Variants in BBX observed in about 807,000 individuals in gnomAD.
The protein encoded by BBX is HMG box transcription factor BBX.
BBX carries 30 observed loss-of-function variants against 100.2 expected under a neutral mutation model. That is an observed-to-expected ratio of 0.30 (90% confidence interval 0.22 to 0.41). The LOEUF is 0.41. Ranked by LOEUF, BBX falls within the 10% of genes least tolerant of loss-of-function variation. The pLI is 1.00. For missense variants in BBX, 1,023 were observed against 1,129.8 expected, an observed-to-expected ratio of 0.91 and a Z score of 1.35; for synonymous variants, 376 against 388.1, an observed-to-expected ratio of 0.97 and a Z score of 0.37.
intron 2 of BBX, among the ~76,000 whole-genome samples, chr3:107,584,670 A>G (rs2052683152): frequency 1.4e-5 from 1 of 69,778 alleles, no homozygotes. Context: ...TTCCGTTGAA[A>G]TCTTTTTTTT....
At chr3:107,613,536 CTG>C (rs980698138) in intron 2 of BBX, among the ~76,000 whole-genome samples, 1 of 151,696 alleles carries the variant, frequency 6.6e-6, no homozygotes, top group Non-Finnish European at 1.5e-5. Flanking sequence ...CAGTTGAAAA[CTG>C]TAACGTATGA....
At chr3:107,733,379 A>G (rs964426896) in intron 7 of BBX, among the ~76,000 whole-genome samples, 2 of 152,202 alleles carry the variant, frequency 1.3e-5, no homozygotes, top group Non-Finnish European at 2.9e-5. Flanking sequence ...TTCACATGCT[A>G]GTGAAAAGAT....
chr3:107,552,444 T>A (rs71319264), intron 2 of BBX, among the ~76,000 whole-genome samples: 203 of 151,580 alleles, frequency 1.3e-3, no homozygotes, highest in Middle Eastern at 3.4e-3. Context: ...TCTTAATGTA[T>A]TCAAAGGTAA....
At chr3:107,674,512 C>T (rs1171693823) in intron 3 of BBX, among the ~76,000 whole-genome samples, 2 of 152,154 alleles carry the variant, frequency 1.3e-5, no homozygotes, top group Non-Finnish European at 2.9e-5. Context: ...TGACTGATCC[C>T]AGTGTATTGT....
chr3:107,529,823 C>G (rs926891794), intron 2 of BBX, among the ~76,000 whole-genome samples: 2 of 151,042 alleles, frequency 1.3e-5, no homozygotes, highest in South Asian at 2.1e-4. Context: ...GGATTGTCTT[C>G]ATTTTTTTTT....
intron 3 of BBX, among the ~76,000 whole-genome samples, chr3:107,692,426 A>G (rs1257334801): frequency 6.7e-6 from 1 of 149,618 alleles, no homozygotes; most frequent in African/African-American, 2.5e-5. Context: ...ATTCCCACCT[A>G]TGAGTGAGAA....
chr3:107,664,444 T>C lies in BBX; in HGVS notation c.-10+18535T>C, dbSNP rs182894092. On this transcript the variant is annotated intron_variant, in intron 3 of 17. Transcript: ENST00000325805. ...GATACTTTGCATGAATGTGACTATATCCGAGCAGAAGTTTAAAAATGGAAA... is the reference window on the plus strand; with the variant it reads ...GATACTTTGCATGAATGTGACTATACCCGAGCAGAAGTTTAAAAATGGAAA... 2.2e-3 allele frequency among the ~76,000 whole-genome samples: 334 copies of C among 152,322 alleles called. 1 individual carries two copies. Among genetic ancestry groups the C allele is most frequent in the African/African-American group, 7.6e-3 (315 of 41,574 alleles).
chr3:107,575,558 G>A (rs2051710594), intron 2 of BBX, among the ~76,000 whole-genome samples: 1 of 152,134 alleles, frequency 6.6e-6, no homozygotes, highest in Admixed American at 6.5e-5. Context: ...AAGAAGTAAA[G>A]TGCAGGGTAA....
chr3:107,687,319 T>C (rs1313323376), intron 3 of BBX, among the ~76,000 whole-genome samples: 1 of 145,898 alleles, frequency 6.9e-6, no homozygotes, highest in Non-Finnish European at 1.5e-5. Flanking sequence ...AAGACTCAGC[T>C]ACACAGTTAA....
chr3:107,697,731 C>A (rs1037815743), intron 3 of BBX, among the ~76,000 whole-genome samples: 1 of 151,730 alleles, frequency 6.6e-6, no homozygotes, highest in Non-Finnish European at 1.5e-5. Flanking sequence ...CCACCCAGTT[C>A]GAGCTTCCTG....
chr3:107,543,586 C>T (rs146332571), intron 2 of BBX, among the ~76,000 whole-genome samples: 2 of 152,178 alleles, frequency 1.3e-5, no homozygotes, highest in African/African-American at 4.8e-5. Flanking sequence ...CTGTACGTGG[C>T]TTCAGTTTAG....
At chr3:107,524,625 G>C (rs1028018936) in intron 1 of BBX, 7 of 140,170 alleles carry the variant, frequency 5.0e-5, no homozygotes, top group African/African-American at 1.3e-4. Context: ...GGGGGGGGGG[G>C]GGAGAGGGAG....
At position 107,809,348 on chromosome 3, in the gene BBX, G is replaced by A. The variant is rs554586228; in HGVS notation, c.*3891G>A. ...TCTGAAGACGAGCAGCTGGAGGCTG[G>A]AGGATGGCATTCCATACAGCAAAGG... is the stretch of plus-strand genomic sequence containing the variant. On this transcript the variant is annotated 3_prime_UTR_variant, in exon 18 of 18. Coordinates refer to ENST00000325805, the MANE Select transcript of BBX (RefSeq NM_001142568.3). The A allele has an allele frequency of 6.6e-6, 1 of 152,220 alleles. No individual in the cohort carries two copies. The highest frequency in any genetic ancestry group is 3.2e-3 in the Middle Eastern group (1 of 314). 9.4% of individuals were successfully genotyped at this position (152,220 alleles called of 1,614,324 possible).
Position 107,766,959 on chromosome 3 carries a change from A to C in BBX, c.907-5669A>C, listed in dbSNP as rs550189961. The stretch of plus-strand genomic sequence containing the variant: ...CAGCAACCTAACACAGGAACAGAAA[A>C]CCAAACACTGCATGTTCTCACTTAT... On this transcript the variant is annotated intron_variant, in intron 10 of 17. Transcript: ENST00000325805. Among the ~76,000 whole-genome samples the C allele has an allele frequency of 2.0e-5, 3 of 152,276 alleles. No individual in the cohort carries two copies. The South Asian group carries it at 6.2e-4, about 32-fold the overall frequency.
intron 5 of BBX, among the ~76,000 whole-genome samples, chr3:107,717,723 C>T (rs1172284230): frequency 6.6e-6 from 1 of 152,168 alleles, no homozygotes; most frequent in East Asian, 1.9e-4. Context: ...TATCATGGTT[C>T]TTTTACTATA....
chr3:107,726,019 C>A (rs1225091296), intron 5 of BBX, among the ~76,000 whole-genome samples: 1 of 151,958 alleles, frequency 6.6e-6, no homozygotes, highest in Non-Finnish European at 1.5e-5. Flanking sequence ...AACAGTCTGG[C>A]CTTGGATATC....
chr3:107,598,273 A>C (rs564497377), intron 2 of BBX, among the ~76,000 whole-genome samples: 3 of 152,288 alleles, frequency 2.0e-5, no homozygotes, highest in East Asian at 3.9e-4. Context: ...GTAATGTCTT[A>C]GGTCTTTGGT....
intron 3 of BBX, among the ~76,000 whole-genome samples, chr3:107,651,183 C>T (rs1347598148): frequency 6.6e-6 from 1 of 152,132 alleles, no homozygotes; most frequent in East Asian, 1.9e-4. Context: ...TTTTGTTTTT[C>T]TTTACCAAAG....
At chr3:107,630,422 G>A (rs1559894228) in intron 2 of BBX, among the ~76,000 whole-genome samples, 1 of 152,034 alleles carries the variant, frequency 6.6e-6, no homozygotes, top group Non-Finnish European at 1.5e-5. Flanking sequence ...TGCGAGGGGG[G>A]AACTCTGGTA....
Sources: gnomAD v4.1 joint callset for allele counts (sites outside exome capture counted in the v4.1 genomes callset) on GRCh38, gnomAD v4.1.1 for gene constraint, MANE v1.5 for transcripts, NCBI Gene and HGNC (gene_info 2026-07-23, HGNC 2026-07-21) for gene names.